SGK1: variants seen among roughly 807,000 people sequenced by gnomAD.
SGK1 encodes serine/threonine-protein kinase Sgk1.
Under a neutral mutation model 64.2 loss-of-function variants are expected in SGK1, and 26 were observed. That is an observed-to-expected ratio of 0.40 (90% CI 0.30 to 0.56). The LOEUF (loss-of-function observed/expected upper bound fraction) is 0.56. Among genes scored for constraint, SGK1 ranks in the 20% least tolerant of loss-of-function variants. SGK1 has a pLI of 0.38. For synonymous variants in SGK1, 265 were observed against 239.7 expected (o/e 1.11, Z -0.98); for missense variants, 519 against 645.6 (o/e 0.80, Z 2.12).
At chr6:134,264,522 A>G (rs1776820432) in intron 1 of SGK1, among the ~76,000 whole-genome samples, 1 of 152,198 alleles carries the variant, frequency 6.6e-6, no homozygotes, top group African/African-American at 2.4e-5. Context: ...ATGCTCTTCA[A>G]AACTCCTGAG....
chr6:134,173,014 C>A lies in SGK1; in HGVS notation c.834+9G>T, dbSNP rs376597198. On this transcript the variant is annotated intron_variant, in intron 8 of 13. Coordinates refer to ENST00000367858, the MANE Select transcript of SGK1 (RefSeq NM_001143676.3). ...ACACTAAGAGTTGACTTCTATCCCCCCTGCTCACCTCTCCACCATTAATGT... is the reference window on the plus strand; with the variant it reads ...ACACTAAGAGTTGACTTCTATCCCCACTGCTCACCTCTCCACCATTAATGT... 34 of 1,608,268 alleles carry A rather than the reference C, an allele frequency of 2.1e-5. No individual in the cohort carries two copies. In the African/African-American group the frequency reaches 4.1e-4, roughly 20 times the overall value.
chr6:134,180,183 G>C (rs1022958174), intron 3 of SGK1: 2 of 152,250 alleles, frequency 1.3e-5, no homozygotes, highest in African/African-American at 4.8e-5. Flanking sequence ...CAAACTCCTG[G>C]GCTCAAATGA....
intron 2 of SGK1, among the ~76,000 whole-genome samples, chr6:134,232,602 G>A (rs1373818885): frequency 2.6e-5 from 4 of 151,966 alleles, no homozygotes; most frequent in Non-Finnish European, 5.9e-5. Context: ...TGTAATCCCA[G>A]CACTTTGGGA....
chr6:134,306,549 G>A (rs1777537704), intron 1 of SGK1, among the ~76,000 whole-genome samples: 1 of 151,894 alleles, frequency 6.6e-6, no homozygotes, highest in South Asian at 2.1e-4. Context: ...TTAGAGACAG[G>A]GTCTCACTCT....
intron 1 of SGK1, among the ~76,000 whole-genome samples, chr6:134,294,109 T>C (rs1478315455): frequency 1.3e-5 from 2 of 152,202 alleles, no homozygotes; most frequent in African/African-American, 4.8e-5. Context: ...AAAGAACCCT[T>C]TGGCAGTGAA....
At chr6:134,174,608 T>A in intron 3 of SGK1, 22 bp from the exon 4 acceptor site, 1 of 1,611,466 alleles carries the variant, frequency 6.2e-7, no homozygotes, top group African/African-American at 1.3e-5. Context: ...GGAGGAGAAA[T>A]AAAGAAACGT....
intron 1 of SGK1, among the ~76,000 whole-genome samples, chr6:134,286,693 T>A (rs1224348108): frequency 6.6e-6 from 1 of 151,976 alleles, no homozygotes; most frequent in African/African-American, 2.4e-5. Context: ...GGTCTCAATC[T>A]CCTGACCTTG....
At chr6:134,305,760 C>T (rs1777526109) in intron 1 of SGK1, among the ~76,000 whole-genome samples, 1 of 152,056 alleles carries the variant, frequency 6.6e-6, no homozygotes, top group Admixed American at 6.5e-5. Flanking sequence ...GATCCTCCCA[C>T]CTCAGCCTCC....
At chr6:134,231,857 T>C (rs984944409) in intron 2 of SGK1, among the ~76,000 whole-genome samples, 4 of 151,818 alleles carry the variant, frequency 2.6e-5, no homozygotes, top group Non-Finnish European at 5.9e-5. Flanking sequence ...CTGGCCAACA[T>C]GGTGAAACCC....
At chr6:134,219,717 G>A (rs1396949836) in intron 2 of SGK1, among the ~76,000 whole-genome samples, 3 of 142,862 alleles carry the variant, frequency 2.1e-5, no homozygotes, top group Non-Finnish European at 3.0e-5. Flanking sequence ...CTGAAATTGC[G>A]TCATTGCACT....
At chr6:134,212,069 G>GC (rs1164285527) in intron 2 of SGK1, among the ~76,000 whole-genome samples, 5 of 147,558 alleles carry the variant, frequency 3.4e-5, no homozygotes, top group African/African-American at 5.1e-5. Flanking sequence ...GTTTTTTTTG[G>GC]GGGGGACGGA....
chr6:134,194,526 T>C (rs1370908314), intron 3 of SGK1, among the ~76,000 whole-genome samples: 1 of 151,540 alleles, frequency 6.6e-6, no homozygotes, highest in African/African-American at 2.4e-5. Flanking sequence ...TTTTCTTTTT[T>C]TTTTTTTTTT....
chr6:134,232,106 G>T (rs752853444), intron 2 of SGK1, among the ~76,000 whole-genome samples: 1 of 150,794 alleles, frequency 6.6e-6, no homozygotes, highest in African/African-American at 2.4e-5. Context: ...AATCACGATA[G>T]AGCTGGGCAC....
chr6:134,218,374 T>A (rs1443463138), intron 2 of SGK1, among the ~76,000 whole-genome samples: 1 of 152,124 alleles, frequency 6.6e-6, no homozygotes, highest in African/African-American at 2.4e-5. Flanking sequence ...GCCATGGGCA[T>A]AGGTGTGAAC....
chr6:134,182,075 C>G (rs886972513), intron 3 of SGK1, among the ~76,000 whole-genome samples: 4 of 151,934 alleles, frequency 2.6e-5, no homozygotes, highest in Admixed American at 2.6e-4. Flanking sequence ...TCAGGCTGAT[C>G]TCAAACTCCT....
rs1046916996 is a variant in SGK1 at position 134,303,215 on chromosome 6, C to A, written c.69+14177G>T. Among the ~76,000 whole-genome samples, 4 of 151,776 alleles carry A rather than the reference C, an allele frequency of 2.6e-5. No homozygotes were observed. The South Asian group carries it at 8.3e-4, about 32-fold the overall frequency. On this transcript the variant is annotated intron_variant, in intron 1 of 13. Coordinates refer to ENST00000367858, the MANE Select transcript of SGK1 (RefSeq NM_001143676.3). ...GAGTCCATCCTGGCTAACACGGTGA[C>A]ACCCATCTCTACTAAAAATACCGAA...
At chr6:134,237,531 G>T (rs1278001768) in intron 2 of SGK1, among the ~76,000 whole-genome samples, 1 of 151,998 alleles carries the variant, frequency 6.6e-6, no homozygotes, top group Non-Finnish European at 1.5e-5. Context: ...CAAAAAATTA[G>T]CCAGGCGTGG....
At chr6:134,216,677 G>C (rs1281221475) in intron 2 of SGK1, among the ~76,000 whole-genome samples, 2 of 152,172 alleles carry the variant, frequency 1.3e-5, no homozygotes, top group South Asian at 2.1e-4. Context: ...TCTGGAACCC[G>C]ATATCATGTA....
chr6:134,177,622 C>T, intron 3 of SGK1: 1 of 1,549,394 alleles, frequency 6.5e-7, no homozygotes, highest in Non-Finnish European at 8.9e-7. Context: ...AACCCCAAAT[C>T]CTTTGAGGCA....
Sources: allele counts gnomAD v4.1 joint callset (sites outside exome capture counted in the v4.1 genomes callset), GRCh38; gene constraint gnomAD v4.1.1; transcripts MANE v1.5; gene names NCBI Gene and HGNC (gene_info 2026-07-23, HGNC 2026-07-21).